Variants in ASPH observed in about 807,000 individuals in gnomAD.
The protein encoded by ASPH is aspartate beta-hydroxylase.
ASPH carries 100 observed loss-of-function variants against 118.4 expected under a neutral mutation model. The observed-to-expected ratio is 0.84, with a 90% CI of 0.72 to 1.00. The LOEUF is 1.00. Among genes scored for constraint, ASPH ranks in the 50% least tolerant of loss-of-function variants. The pLI is 0.00. For synonymous variants in ASPH, 315 were observed against 325.6 expected (o/e 0.97, Z 0.35); for missense variants, 920 against 919.5 (o/e 1.00, Z -0.01).
chr8:61,606,774 C>T (rs984152738), intron 14 of ASPH: 3 of 152,394 alleles, frequency 2.0e-5, no homozygotes, highest in African/African-American at 7.2e-5. Flanking sequence ...TAAGACAAGA[C>T]TCTAATGTAA....
intron 1 of ASPH, among the ~76,000 whole-genome samples, chr8:61,712,983 T>G (rs1838411901): frequency 1.3e-5 from 2 of 152,114 alleles, no homozygotes; most frequent in Admixed American, 1.3e-4. Flanking sequence ...TAAAAAAGAG[T>G]AGCCTCAGTC....
At chr8:61,631,767 G>A (rs79949065) in intron 13 of ASPH, 4,974 of 152,342 alleles carry the variant, frequency 0.033, 222 homozygotes, top group South Asian at 0.2. Context: ...AGGTCTTTCA[G>A]AATGTAGCTT....
chr8:61,700,635 C>G (rs1031697363), intron 1 of ASPH, among the ~76,000 whole-genome samples: 2 of 152,140 alleles, frequency 1.3e-5, no homozygotes, highest in African/African-American at 2.4e-5. Flanking sequence ...AGTTTCTGAC[C>G]CACAAAAATG....
At chr8:61,567,060 C>T (rs1831956979) in intron 17 of ASPH, 108 bp downstream of exon 17, 1 of 1,352,338 alleles carries the variant, frequency 7.4e-7, no homozygotes, top group Non-Finnish European at 9.9e-7. Flanking sequence ...AGTTGTAAAA[C>T]TCAGGTTTTC....
At chr8:61,647,313 A>G (rs1808522275) in intron 5 of ASPH, among the ~76,000 whole-genome samples, 1 of 152,232 alleles carries the variant, frequency 6.6e-6, no homozygotes, top group Non-Finnish European at 1.5e-5. Flanking sequence ...ATAGAATTCC[A>G]GGTAACAACT....
At chr8:61,505,929 G>A (rs142072576) in intron 24 of ASPH, among the ~76,000 whole-genome samples, 149 of 152,272 alleles carry the variant, frequency 9.8e-4, no homozygotes, top group South Asian at 1.9e-3. Flanking sequence ...TGTTGTCACC[G>A]GGATTAAGCA....
In ASPH at chr8:61,620,966, C is replaced by T. The variant is rs541792298; in HGVS notation, c.935-1947G>A. ...ATATAGAAGTGGAAGGTGCTGATCC[C>T]GATGTGGGAGGGCCCTGGCCGGGTC... On this transcript the variant is annotated intron_variant, in intron 13 of 24. Transcript: ENST00000379454. 4.6e-5 allele frequency among the ~76,000 whole-genome samples: 7 copies of T among 152,302 alleles called. No individual in the cohort carries two copies. The South Asian group carries it at 6.2e-4, about 14-fold the overall frequency.
intron 1 of ASPH, among the ~76,000 whole-genome samples, chr8:61,691,001 T>A (rs1223870978): frequency 6.6e-6 from 1 of 152,196 alleles, no homozygotes; most frequent in East Asian, 1.9e-4. Context: ...TTATCTATCC[T>A]TTTATAATAT....
In ASPH at chr8:61,540,352, T is replaced by C. The variant is rs917116222; in HGVS notation, c.1764+7719A>G. On this transcript the variant is annotated intron_variant, in intron 21 of 24. Transcript: ENST00000379454. Reference sequence around the variant, plus strand: ...ATCGCTCTTGGTACTGTCCTCGTGATAGTGAATGAGTTCTTGGAGATCTGG... The same window carrying C: ...ATCGCTCTTGGTACTGTCCTCGTGACAGTGAATGAGTTCTTGGAGATCTGG... Among the ~76,000 whole-genome samples the C allele has an allele frequency of 5.3e-5, 8 of 152,160 alleles. No individual in the cohort carries two copies. In the South Asian group the frequency reaches 1.5e-3, roughly 28 times the overall value.
chr8:61,561,662 C>T (rs1174360156), intron 18 of ASPH, among the ~76,000 whole-genome samples: 1 of 152,058 alleles, frequency 6.6e-6, no homozygotes, highest in Non-Finnish European at 1.5e-5. Context: ...ATGACTTGTG[C>T]CTGTAATCCC....
At chr8:61,521,302 A>G (rs1453650182) in intron 22 of ASPH, among the ~76,000 whole-genome samples, 1 of 152,202 alleles carries the variant, frequency 6.6e-6, no homozygotes, top group Non-Finnish European at 1.5e-5. Flanking sequence ...CTGTTATTAC[A>G]TCATGTGCTA....
intron 16 of ASPH, among the ~76,000 whole-genome samples, chr8:61,573,577 G>A (rs140566782): frequency 6.6e-6 from 1 of 152,116 alleles, no homozygotes; most frequent in Non-Finnish European, 1.5e-5. Context: ...ACAACCATCT[G>A]ATCTTTAACA....
intron 1 of ASPH, among the ~76,000 whole-genome samples, chr8:61,700,712 A>G (rs1684736987): frequency 6.6e-6 from 1 of 152,256 alleles, no homozygotes; most frequent in Admixed American, 6.5e-5. Context: ...TTTGCAAAAC[A>G]CAACAAAGCT....
At chr8:61,650,618 G>C in intron 5 of ASPH, among the ~76,000 whole-genome samples, 1 of 151,958 alleles carries the variant, frequency 6.6e-6, no homozygotes, top group African/African-American at 2.4e-5. Context: ...TTTTTTTCCT[G>C]TCTGCTTAGT....
chr8:61,631,385 T>C (rs1855532196), intron 13 of ASPH, among the ~76,000 whole-genome samples: 1 of 152,196 alleles, frequency 6.6e-6, no homozygotes, highest in African/African-American at 2.4e-5. Flanking sequence ...TATATCTTTT[T>C]ATTTAATTTT....
At chr8:61,586,715 A>G (rs1272548271) in intron 14 of ASPH, among the ~76,000 whole-genome samples, 1 of 152,244 alleles carries the variant, frequency 6.6e-6, no homozygotes, top group Non-Finnish European at 1.5e-5. Context: ...ACATGGAAAG[A>G]AGTGGATACT....
chr8:61,665,086 G>A (rs985026050), intron 3 of ASPH: 3 of 1,390,230 alleles, frequency 2.2e-6, no homozygotes, highest in Non-Finnish European at 2.8e-6. Context: ...AGTATGAGAC[G>A]GTATATTTAA....
At chr8:61,580,058 T>C (rs910432108) in intron 15 of ASPH, among the ~76,000 whole-genome samples, 2 of 152,156 alleles carry the variant, frequency 1.3e-5, no homozygotes, top group Admixed American at 6.5e-5. Flanking sequence ...ATCCAGGTCA[T>C]GCTGATACAA....
At chr8:61,594,929 T>C (rs956890231) in intron 14 of ASPH, among the ~76,000 whole-genome samples, 1 of 152,212 alleles carries the variant, frequency 6.6e-6, no homozygotes, top group African/African-American at 2.4e-5. Flanking sequence ...TATTTTTCAT[T>C]TGATTGTTTA....
Sources: allele counts gnomAD v4.1 joint callset (sites outside exome capture counted in the v4.1 genomes callset), GRCh38; gene constraint gnomAD v4.1.1; transcripts MANE v1.5; gene names NCBI Gene and HGNC (gene_info 2026-07-23, HGNC 2026-07-21).